The following CPNE7 variants were observed in gnomAD, a reference collection of about 807,000 sequenced individuals.
The protein encoded by CPNE7 is copine 7.
CPNE7 carries 78 observed loss-of-function variants against 66.5 expected under a neutral mutation model. The ratio of observed to expected loss-of-function variants is 1.17; its 90% CI spans 0.98 to 1.42. CPNE7 has a LOEUF of 1.42. Among genes scored for constraint, CPNE7 ranks in the 40% most tolerant of loss-of-function variants. CPNE7 has a pLI of 0.00. For missense variants in CPNE7, 1,012 were observed against 776.6 expected, an observed-to-expected ratio of 1.30 and a Z score of -3.60; for synonymous variants, 468 against 336.7, an observed-to-expected ratio of 1.39 and a Z score of -4.27.
chr16:89,580,832 G>GTCACCCATCACACGGAACATCCCA (rs1567953335), intron 2 of CPNE7, among the ~76,000 whole-genome samples: 1 of 114,090 alleles, frequency 8.8e-6, no homozygotes, highest in Non-Finnish European at 1.7e-5. Context: ...GGAACATCCC[G>GTCACCCATCACACGGAACATCCCA]TCACCCATCA....
At position 89,595,454 on chromosome 16, in the gene CPNE7, C is replaced by A; in HGVS notation, c.1390C>A (p.Pro464Thr). The change falls in exon 14 of 15, where the codon CCC becomes ACC. Residue 464 changes from proline to threonine, a missense_variant. Coordinates refer to ENST00000319518, the MANE Select transcript of CPNE7 (RefSeq NM_153636.3). Reference protein sequence around the residue: ...REAIVRASRLPMSIIIVGVGN... With the variant: ...REAIVRASRLTMSIIIVGVGN... ...GGCCATTGTGCGTGCCTCACGCCTG[C>A]CCATGTCCATCATCATCGTGGGCGT... 1 of 1,612,352 alleles carries A rather than the reference C, an allele frequency of 6.2e-7. No individual in the cohort carries two copies. The highest frequency in any genetic ancestry group is 8.5e-7 in the Non-Finnish European group (1 of 1,179,710).
intron 13 of CPNE7, among the ~76,000 whole-genome samples, chr16:89,593,514 G>A (rs887440840): frequency 1.5e-4 from 23 of 150,792 alleles, no homozygotes; most frequent in Non-Finnish European, 2.4e-4. Context: ...CACCACGCCC[G>A]GCTAATTTTT....
chr16:89,587,090 G>C lies in CPNE7; in HGVS notation c.915G>C (p.Gln305His), dbSNP rs1296642483. 2 of 1,565,506 alleles carry C rather than the reference G, an allele frequency of 1.3e-6. No homozygotes were observed. The highest frequency in any genetic ancestry group is 1.7e-6 in the Non-Finnish European group (2 of 1,156,378). ...SFLDYIMGGCQIHFTVAIDFT... is the reference protein window; with the variant it reads ...SFLDYIMGGCHIHFTVAIDFT... ...TGGACTATATCATGGGCGGCTGCCA[G>C]ATCCACTTCACCGTGAGTCCATGGC... The change falls in exon 9 of 15, where the codon CAG becomes CAC. Residue 305 changes from glutamine (Q) to histidine (H), a missense_variant. By Grantham distance (24) the Gln-to-His change is conservative. Transcript: ENST00000319518.
In CPNE7 at chr16:89,583,354, C is replaced by T. The variant is rs909742249; in HGVS notation, c.358-343C>T. On this transcript the variant is annotated intron_variant, in intron 2 of 14. Coordinates refer to ENST00000319518, the MANE Select transcript of CPNE7 (RefSeq NM_153636.3). ...GCAGCCCTGCTTACCTGTGGAGGGG[C>T]GTCCGCCACACCTGTGCAGGTGCAG... is the stretch of plus-strand genomic sequence containing the variant. 1.1e-4 allele frequency: 141 copies of T among 1,247,672 alleles called. No individual in the cohort carries two copies. In the African/African-American group the frequency reaches 1.7e-3, roughly 15 times the overall value. 77.3% of individuals were successfully genotyped at this position (1,247,672 alleles called of 1,614,324 possible). A position where few individuals can be genotyped will look rare whatever the true frequency, so the allele number is the denominator to read the frequency against.
intron 8 of CPNE7, 117 bp from the exon 9 acceptor site, chr16:89,586,926 A>G (rs1428477315): frequency 1.8e-6 from 2 of 1,131,464 alleles, no homozygotes; most frequent in East Asian, 2.6e-5. Context: ...GGGGGAGAGG[A>G]GAGGAGGGTG....
At position 89,587,718 on chromosome 16, in the gene CPNE7, A is replaced by ACCCGCGTGTCACCCACAGATACACGGC. The variant is rs2059082314; in HGVS notation, c.927+619_927+620insGCGTGTCACCCACAGATACACGGCCCC. ...GCACACCCCGTGTCACCCCCATAGCACCCCCGTGTCACCCACAGATACACG... is the reference window on the plus strand; with the variant it reads ...GCACACCCCGTGTCACCCCCATAGCACCCGCGTGTCACCCACAGATACACGGCCCCCCGTGTCACCCACAGATACACG... On this transcript the variant is annotated intron_variant, in intron 9 of 14. Coordinates refer to ENST00000319518, the MANE Select transcript of CPNE7 (RefSeq NM_153636.3). 4 of 169,960 alleles carry ACCCGCGTGTCACCCACAGATACACGGC rather than the reference A, an allele frequency of 2.4e-5. 2 individuals are homozygous for ACCCGCGTGTCACCCACAGATACACGGC. Among genetic ancestry groups the ACCCGCGTGTCACCCACAGATACACGGC allele is most frequent in the South Asian group, 8.3e-5 (2 of 24,212 alleles). 10.5% of individuals were successfully genotyped at this position (169,960 alleles called of 1,614,324 possible).
In CPNE7 at chr16:89,595,819, T is replaced by C. The variant is rs369997370; in HGVS notation, c.1539+216T>C. The C allele has an allele frequency of 4.6e-5, 31 of 681,002 alleles. No homozygotes were observed. The African/African-American group carries it at 4.8e-4, about 10-fold the overall frequency. The allele number at this position is 681,002 out of a possible 1,614,324, so 42.2% of individuals were successfully genotyped here. A position where few individuals can be genotyped will look rare whatever the true frequency, so the allele number is the denominator to read the frequency against. ...CTCCACCGTTTTGAAACTTGTCGAA[T>C]CTACACAAAAGCAGAGAACAGCACA... On this transcript the variant is annotated intron_variant, in intron 14 of 14. Coordinates refer to ENST00000319518, the MANE Select transcript of CPNE7 (RefSeq NM_153636.3).
intron 3 of CPNE7, 45 bp from the exon 4 acceptor site, chr16:89,583,982 CA>C (rs2058995969): frequency 6.2e-7 from 1 of 1,604,750 alleles, no homozygotes; most frequent in Non-Finnish European, 8.5e-7. Flanking sequence ...ACGGTGGGGT[CA>C]GGCCCCACCT....
At chr16:89,590,862 C>CG in intron 11 of CPNE7, 145 bp from the exon 12 acceptor site, 3 of 559,492 alleles carry the variant, frequency 5.4e-6, no homozygotes, top group South Asian at 3.7e-5. Context: ...CTTTAGTAGG[C>CG]GGGGGACATG....
intron 13 of CPNE7, among the ~76,000 whole-genome samples, chr16:89,592,073 A>G (rs1199894095): frequency 6.9e-6 from 1 of 145,470 alleles, no homozygotes; most frequent in East Asian, 2.0e-4. Context: ...TAGTGGCGCA[A>G]TCTCCGCTCA....
At chr16:89,582,048 C>G (rs999585002) in intron 2 of CPNE7, among the ~76,000 whole-genome samples, 1 of 152,214 alleles carries the variant, frequency 6.6e-6, no homozygotes, top group Non-Finnish European at 1.5e-5. Context: ...CGTGTGGACA[C>G]CTGCGTGCAG....
chr16:89,578,972 G>A, intron 2 of CPNE7: 2 of 1,607,206 alleles, frequency 1.2e-6, no homozygotes, highest in Non-Finnish European at 8.5e-7. Context: ...CACCTTGCCA[G>A]GACGGGTCCT....
chr16:89,582,015 C>G (rs900927734), intron 2 of CPNE7, among the ~76,000 whole-genome samples: 1 of 152,264 alleles, frequency 6.6e-6, no homozygotes, highest in African/African-American at 2.4e-5. Context: ...TATGCCTGTT[C>G]ACATAAGCAC....
intron 9 of CPNE7, 128 bp from the exon 10 acceptor site, chr16:89,588,547 C>A (rs966337411): frequency 4.3e-6 from 5 of 1,176,100 alleles, no homozygotes; most frequent in East Asian, 2.4e-5. Flanking sequence ...AGCAGCCCCC[C>A]AGCCCTACCC....
rs2059111870 is a variant in CPNE7, at chr16:89,588,202, A to ACC, written c.928-471_928-470dup. On this transcript the variant is annotated intron_variant, in intron 9 of 14. Transcript: ENST00000319518. ...CCCACAGATACACGGCCCCCGTGTC[A>ACC]CCCGCGTGTCACCCACAGATACACG... Among the ~76,000 whole-genome samples the ACC allele has an allele frequency of 1.3e-3, 18 of 13,754 alleles. 2 individuals are homozygous for ACC. The highest frequency in any genetic ancestry group is 2.6e-3 in the Admixed American group (3 of 1,162). The allele number at this position is 13,754 out of a possible 152,430, so 9.0% of individuals were successfully genotyped here.
rs543864923 is a variant in CPNE7 at position 89,580,486 on chromosome 16, G to T, written c.357+2765G>T. On this transcript the variant is annotated intron_variant, in intron 2 of 14. Transcript: ENST00000319518. Reference sequence around the variant, plus strand: ...TCTCACCCATCACACGGAACATCCCGTCACCCGCTGACACAGAACATCTCA... The same window carrying T: ...TCTCACCCATCACACGGAACATCCCTTCACCCGCTGACACAGAACATCTCA... 1.0e-3 allele frequency among the ~76,000 whole-genome samples: 107 copies of T among 104,854 alleles called. 1 individual carries two copies. The highest frequency in any genetic ancestry group is 3.7e-3 in the African/African-American group (99 of 26,952). 68.8% of individuals were successfully genotyped at this position (104,854 alleles called of 152,430 possible). A position where few individuals can be genotyped will look rare whatever the true frequency, so the allele number is the denominator to read the frequency against.
intron 2 of CPNE7, among the ~76,000 whole-genome samples, chr16:89,581,514 A>AT (rs141389678): frequency 0.032 from 4,841 of 152,320 alleles, 116 homozygotes; most frequent in Middle Eastern, 0.061. Flanking sequence ...TGCGTGACTC[A>AT]TCCCCCTGCA....
At position 89,586,750 on chromosome 16, in the gene CPNE7, C is replaced by T. The variant is rs1216593916; in HGVS notation, c.861C>T (p.Asp287=). ...YKNSGVVVLA[D]LKFHRVYSFL... ...ACTCAGGAGTGGTCGTCCTGGCTGA[C>T]CTCAAGGTGAGAGGTGGCTGTGCCC... Residue 287 remains aspartate (D), a synonymous_variant, in exon 8 of 15, where the codon GAC becomes GAT. Coordinates refer to ENST00000319518, the MANE Select transcript of CPNE7 (RefSeq NM_153636.3). The T allele has an allele frequency of 6.2e-7, 1 of 1,612,616 alleles. No individual in the cohort carries two copies. The highest frequency in any genetic ancestry group is 2.2e-5 in the East Asian group (1 of 44,712).
At chr16:89,594,978 G>A (rs891053876) in intron 13 of CPNE7, among the ~76,000 whole-genome samples, 2 of 152,076 alleles carry the variant, frequency 1.3e-5, no homozygotes, top group African/African-American at 4.8e-5. Context: ...GCAGCACAGC[G>A]GGCACCCTGG....
Sources: gnomAD v4.1 joint callset for allele counts (sites outside exome capture counted in the v4.1 genomes callset) on GRCh38, gnomAD v4.1.1 for gene constraint, MANE v1.5 for transcripts, NCBI Gene and HGNC (gene_info 2026-07-23, HGNC 2026-07-21) for gene names.